The following QTMAN variants were observed in gnomAD, a reference collection of about 807,000 sequenced individuals.
The protein encoded by QTMAN is queuosine-tRNA mannosyltransferase.
chr2:144,245,044 C>T, the QTMAN span, among the ~76,000 whole-genome samples: 1 of 152,262 alleles, frequency 6.6e-6, no homozygotes, highest in East Asian at 1.9e-4. Flanking sequence ...AACACCCACC[C>T]CAATAGGGTT....
At chr2:144,206,349 CTTA>C in the QTMAN span, among the ~76,000 whole-genome samples, 1 of 152,086 alleles carries the variant, frequency 6.6e-6, no homozygotes, top group South Asian at 2.1e-4. Flanking sequence ...AGAGCTCAGA[CTTA>C]TTTAGTGTAG....
the QTMAN span, among the ~76,000 whole-genome samples, chr2:144,096,154 G>C: frequency 6.6e-6 from 1 of 152,114 alleles, no homozygotes; most frequent in Non-Finnish European, 1.5e-5. Context: ...CAGATCTTTT[G>C]AACAGAGGAG....
chr2:144,019,661 C>T, the QTMAN span, among the ~76,000 whole-genome samples: 1 of 152,072 alleles, frequency 6.6e-6, no homozygotes, highest in Admixed American at 6.5e-5. Context: ...TTCTCTAAGC[C>T]TATGCAGCTC....
the QTMAN span, chr2:144,235,803 A>G: frequency 6.6e-6 from 1 of 152,450 alleles, no homozygotes; most frequent in East Asian, 1.9e-4. Context: ...CTCAATCTTG[A>G]GCTGGTCAAG....
chr2:144,198,073 C>G, the QTMAN span, among the ~76,000 whole-genome samples: 1 of 152,032 alleles, frequency 6.6e-6, no homozygotes. Flanking sequence ...CAAAATAAAA[C>G]TAAAAAGTAT....
At chr2:144,291,172 C>A in the QTMAN span, among the ~76,000 whole-genome samples, 1 of 152,104 alleles carries the variant, frequency 6.6e-6, no homozygotes, top group East Asian at 1.9e-4. Context: ...AGATTAGGGC[C>A]CACCCTAACA....
chr2:144,328,166 G>C, the QTMAN span, among the ~76,000 whole-genome samples: 1 of 152,128 alleles, frequency 6.6e-6, no homozygotes, highest in Non-Finnish European at 1.5e-5. Context: ...GGCCATGTTG[G>C]TCTCGAACTC....
the QTMAN span, among the ~76,000 whole-genome samples, chr2:144,299,845 CA>C: frequency 6.6e-6 from 1 of 152,228 alleles, no homozygotes; most frequent in Non-Finnish European, 1.5e-5. Context: ...GCATTGCTCA[CA>C]ACAGCCAAAA....
At chr2:144,076,861 C>T in the QTMAN span, among the ~76,000 whole-genome samples, 1 of 151,766 alleles carries the variant, frequency 6.6e-6, no homozygotes, top group Non-Finnish European at 1.5e-5. Context: ...GCTCAGGCCA[C>T]TAATCCCAGC....
chr2:144,025,351 T>C, the QTMAN span, among the ~76,000 whole-genome samples: 1 of 152,268 alleles, frequency 6.6e-6, no homozygotes, highest in East Asian at 1.9e-4. Context: ...ATATGGGGCA[T>C]AGATCATGGT....
chr2:144,246,598 A>AAAAAAG, the QTMAN span, among the ~76,000 whole-genome samples: 52 of 149,006 alleles, frequency 3.5e-4, no homozygotes, highest in African/African-American at 1.3e-3. Context: ...AAAAAAAAAA[A>AAAAAAG]AAAAGAAAAG....
At chr2:144,204,249 T>G in the QTMAN span, among the ~76,000 whole-genome samples, 2 of 152,324 alleles carry the variant, frequency 1.3e-5, no homozygotes, top group Middle Eastern at 3.4e-3. Context: ...TCTGGTCATC[T>G]GACAAAGAGC....
the QTMAN span, among the ~76,000 whole-genome samples, chr2:144,110,597 A>G: frequency 6.6e-6 from 1 of 150,676 alleles, no homozygotes; most frequent in African/African-American, 2.4e-5. Context: ...GACTGTCCCA[A>G]TATTCATGGA....
chr2:143,995,184 A>C, the QTMAN span, among the ~76,000 whole-genome samples: 1 of 152,150 alleles, frequency 6.6e-6, no homozygotes, highest in Admixed American at 6.5e-5. Flanking sequence ...TATAGACTTC[A>C]TTTACAAGGC....
At chr2:144,112,718 G>T in the QTMAN span, among the ~76,000 whole-genome samples, 1 of 152,168 alleles carries the variant, frequency 6.6e-6, no homozygotes, top group Admixed American at 6.5e-5. Context: ...CAGTGCCAAA[G>T]AAGGCACAGA....
chr2:144,145,751 G>T, the QTMAN span: 6 of 1,603,186 alleles, frequency 3.7e-6, no homozygotes, highest in Non-Finnish European at 4.3e-6. Context: ...TAGGAAACAA[G>T]AAAATTGGGG....
At chr2:144,116,250 G>A in the QTMAN span, among the ~76,000 whole-genome samples, 1 of 126,354 alleles carries the variant, frequency 7.9e-6, no homozygotes, top group African/African-American at 3.0e-5. Flanking sequence ...GGCAAACTGT[G>A]AGTTGCCAAA....
the QTMAN span, among the ~76,000 whole-genome samples, chr2:144,028,183 C>G: frequency 8.1e-4 from 123 of 152,272 alleles, no homozygotes; most frequent in Admixed American, 1.4e-3. Flanking sequence ...CCACTCTGCT[C>G]TGATTACTGG....
the QTMAN span, among the ~76,000 whole-genome samples, chr2:144,289,119 C>T: frequency 1.3e-5 from 2 of 151,072 alleles, no homozygotes; most frequent in African/African-American, 2.4e-5. Flanking sequence ...CTGCAAGCTC[C>T]GCCTCCCGGG....
Sources: allele counts gnomAD v4.1 joint callset (sites outside exome capture counted in the v4.1 genomes callset), GRCh38; gene constraint gnomAD v4.1.1; transcripts MANE v1.5; gene names NCBI Gene and HGNC (gene_info 2026-07-23, HGNC 2026-07-21).